Variants in HS6ST3 observed in about 807,000 individuals in gnomAD.
The protein encoded by HS6ST3 is heparan-sulfate 6-O-sulfotransferase 3.
A neutral mutation model predicts 36.7 loss-of-function variants in HS6ST3; 12 were observed. That is an observed-to-expected ratio of 0.33 (90% CI 0.21 to 0.53). HS6ST3 has a LOEUF of 0.53. Among genes scored for constraint, HS6ST3 ranks in the 20% least tolerant of loss-of-function variants. The probability of loss-of-function intolerance (pLI) is 0.95; values close to 1 mark genes in which losing one functional copy is unlikely to be tolerated. For synonymous variants in HS6ST3, 240 were observed against 257.5 expected (o/e 0.93, Z 0.65); for missense variants, 584 against 640.9 (o/e 0.91, Z 0.96).
chr13:96,563,794 T>A (rs2056271220), intron 1 of HS6ST3, among the ~76,000 whole-genome samples: 1 of 152,020 alleles, frequency 6.6e-6, no homozygotes, highest in African/African-American at 2.4e-5. Flanking sequence ...TGTTGATAGG[T>A]TTTTGGAAGA....
chr13:96,479,690 T>C (rs2138896848), intron 1 of HS6ST3, among the ~76,000 whole-genome samples: 1 of 152,310 alleles, frequency 6.6e-6, no homozygotes, highest in Non-Finnish European at 1.5e-5. Flanking sequence ...TGGTATTAGA[T>C]TAAACTAAGT....
At chr13:96,138,497 T>C (rs144223356) in intron 1 of HS6ST3, among the ~76,000 whole-genome samples, 3,016 of 150,934 alleles carry the variant, frequency 0.02, 87 homozygotes, top group African/African-American at 0.067. Context: ...TATTTACAGT[T>C]AATAAAATTT....
At chr13:96,632,954 T>A (rs1392374050) in intron 1 of HS6ST3, among the ~76,000 whole-genome samples, 1 of 152,218 alleles carries the variant, frequency 6.6e-6, no homozygotes, top group Non-Finnish European at 1.5e-5. Flanking sequence ...ATCACTCAGG[T>A]CATTTATTTG....
chr13:96,613,522 T>C (rs951865331), intron 1 of HS6ST3, among the ~76,000 whole-genome samples: 3 of 152,164 alleles, frequency 2.0e-5, no homozygotes, highest in African/African-American at 7.2e-5. Flanking sequence ...AATGAATGAG[T>C]CGACTTGGAT....
At chr13:96,358,963 TTAATC>T (rs1343049479) in intron 1 of HS6ST3, among the ~76,000 whole-genome samples, 1 of 152,128 alleles carries the variant, frequency 6.6e-6, no homozygotes. Flanking sequence ...TAATAATTGA[TTAATC>T]TGGGTAAATG....
intron 1 of HS6ST3, among the ~76,000 whole-genome samples, chr13:96,627,403 A>G (rs2056516757): frequency 6.6e-6 from 1 of 151,998 alleles, no homozygotes; most frequent in African/African-American, 2.4e-5. Context: ...TTTTAATACC[A>G]TGATAGATTT....
intron 1 of HS6ST3, among the ~76,000 whole-genome samples, chr13:96,567,581 T>G: frequency 6.6e-6 from 1 of 152,088 alleles, no homozygotes; most frequent in East Asian, 1.9e-4. Context: ...CACACCCTCT[T>G]TAAAAGAACT....
intron 1 of HS6ST3, among the ~76,000 whole-genome samples, chr13:96,268,033 T>C (rs755357720): frequency 1.3e-4 from 19 of 151,902 alleles, no homozygotes; most frequent in Admixed American, 2.6e-4. Context: ...GAGAGCAAGC[T>C]CTGATGTCTC....
chr13:96,409,292 A>G (rs111229651), intron 1 of HS6ST3, among the ~76,000 whole-genome samples: 51 of 152,362 alleles, frequency 3.3e-4, no homozygotes, highest in African/African-American at 1.2e-3. Context: ...CTCTGTGTCC[A>G]GTCATATAGC....
intron 1 of HS6ST3, among the ~76,000 whole-genome samples, chr13:96,502,013 C>T (rs2056006449): frequency 6.6e-6 from 1 of 152,164 alleles, no homozygotes; most frequent in Non-Finnish European, 1.5e-5. Context: ...AACATATGGG[C>T]CATAAATTGT....
At chr13:96,259,465 T>G (rs2054653613) in intron 1 of HS6ST3, among the ~76,000 whole-genome samples, 1 of 152,090 alleles carries the variant, frequency 6.6e-6, no homozygotes, top group African/African-American at 2.4e-5. Context: ...AATGCTAGGA[T>G]ACAAGAATGA....
chr13:96,527,942 C>G (rs1293053661), intron 1 of HS6ST3, among the ~76,000 whole-genome samples: 1 of 152,118 alleles, frequency 6.6e-6, no homozygotes, highest in Admixed American at 6.5e-5. Context: ...TGGTGGAGCC[C>G]TAGTGCCTTT....
intron 1 of HS6ST3, among the ~76,000 whole-genome samples, chr13:96,764,838 C>G (rs1410435327): frequency 5.3e-5 from 8 of 152,062 alleles, no homozygotes; most frequent in Non-Finnish European, 1.2e-4. Context: ...GATCACTTTC[C>G]CCTTGGAATG....
At chr13:96,709,938 G>A (rs1229537014) in intron 1 of HS6ST3, among the ~76,000 whole-genome samples, 1 of 152,228 alleles carries the variant, frequency 6.6e-6, no homozygotes, top group African/African-American at 2.4e-5. Flanking sequence ...GCTTGGAGAA[G>A]ATGTAAAGAA....
intron 1 of HS6ST3, among the ~76,000 whole-genome samples, chr13:96,259,934 G>GCAT (rs2054655828): frequency 6.6e-6 from 1 of 150,998 alleles, no homozygotes; most frequent in Non-Finnish European, 1.5e-5. Flanking sequence ...CCATGATTTG[G>GCAT]GTATGTAGCA....
intron 1 of HS6ST3, among the ~76,000 whole-genome samples, chr13:96,592,476 CTG>C (rs1458276371): frequency 6.6e-6 from 1 of 152,060 alleles, no homozygotes; most frequent in East Asian, 1.9e-4. Context: ...TTATGATATT[CTG>C]TGTTTTTCTG....
chr13:96,705,524 G>A (rs972097929), intron 1 of HS6ST3, among the ~76,000 whole-genome samples: 1 of 152,076 alleles, frequency 6.6e-6, no homozygotes, highest in African/African-American at 2.4e-5. Flanking sequence ...AGCCTTAGGG[G>A]ACCATCCCAG....
At chr13:96,652,745 A>G (rs1007122595) in intron 1 of HS6ST3, among the ~76,000 whole-genome samples, 4 of 151,998 alleles carry the variant, frequency 2.6e-5, no homozygotes, top group Non-Finnish European at 4.4e-5. Context: ...GTCTTTGAGG[A>G]CCTCTCTAGG....
At chr13:96,225,935 T>C (rs1200390561) in intron 1 of HS6ST3, among the ~76,000 whole-genome samples, 1 of 152,088 alleles carries the variant, frequency 6.6e-6, no homozygotes, top group Non-Finnish European at 1.5e-5. Context: ...GATAGTAGTA[T>C]TAGGAAATTT....
Sources: gnomAD v4.1 joint callset for allele counts (sites outside exome capture counted in the v4.1 genomes callset) on GRCh38, gnomAD v4.1.1 for gene constraint, MANE v1.5 for transcripts, NCBI Gene and HGNC (gene_info 2026-07-23, HGNC 2026-07-21) for gene names.